Variants in IFT140 observed in about 807,000 individuals in gnomAD.
The protein encoded by IFT140 is intraflagellar transport protein 140 homolog.
IFT140 carries 133 observed loss-of-function variants against 164.6 expected under a neutral mutation model. The ratio of observed to expected loss-of-function variants is 0.81; its 90% confidence interval spans 0.70 to 0.93. IFT140 has a LOEUF of 0.93. Among genes scored for constraint, IFT140 ranks in the 40% least tolerant of loss-of-function variants. IFT140 has a pLI of 0.00. For missense variants in IFT140, 2,045 were observed against 1,972.3 expected (o/e 1.04, Z -0.70); for synonymous variants, 860 against 817.3 (o/e 1.05, Z -0.89).
chr16:1,592,950 G>A (rs1162261841), intron 4 of IFT140, among the ~76,000 whole-genome samples: 2 of 150,862 alleles, frequency 1.3e-5, no homozygotes, highest in Non-Finnish European at 3.0e-5. Flanking sequence ...CAGAGTGACT[G>A]GTGGTGGGAC....
intron 14 of IFT140, among the ~76,000 whole-genome samples, chr16:1,569,858 G>A (rs1222769345): frequency 1.3e-5 from 2 of 150,964 alleles, no homozygotes; most frequent in African/African-American, 4.9e-5. Context: ...AATGTGCTGG[G>A]ACTTGCAGGA....
chr16:1,521,559 TG>T (rs556564910), intron 26 of IFT140, among the ~76,000 whole-genome samples: 1 of 151,984 alleles, frequency 6.6e-6, no homozygotes, highest in Non-Finnish European at 1.5e-5. Context: ...CGGCTAATTT[TG>T]TAATTTTTTT....
At chr16:1,515,844 C>A (rs115318002) in intron 30 of IFT140, among the ~76,000 whole-genome samples, 1 of 152,060 alleles carries the variant, frequency 6.6e-6, no homozygotes, top group Admixed American at 6.6e-5. Flanking sequence ...AGGAGTGATA[C>A]CACATGCAAA....
Position 1,524,914 on chromosome 16 carries a change from G to A in IFT140, c.2867C>T (p.Thr956Ile). The change falls in exon 23 of 31, where the codon ACC becomes ATC. Residue 956 changes from threonine to isoleucine, a missense_variant and splice_region_variant. By Grantham distance (89) the Thr-to-Ile change is moderately conservative (BLOSUM62 -1). Transcript: ENST00000426508. Reference sequence around the variant, plus strand: ...GTACTGCGCCCACCACCGCCACAGGGTCCTGCGGGCAGCCCAAGACCATGG... The same window carrying A: ...GTACTGCGCCCACCACCGCCACAGGATCCTGCGGGCAGCCCAAGACCATGG... ...ELYVNKMKDK[T>I]LWRWWAQYLE... 6.2e-7 allele frequency: 1 copy of A among 1,605,348 alleles called. No individual in the cohort carries two copies. Among genetic ancestry groups the A allele is most frequent in the Non-Finnish European group, 8.5e-7 (1 of 1,176,790 alleles).
chr16:1,547,138 C>A (rs2032243410), intron 19 of IFT140, among the ~76,000 whole-genome samples: 1 of 152,230 alleles, frequency 6.6e-6, no homozygotes, highest in Admixed American at 6.5e-5. Flanking sequence ...TTCCCACTCC[C>A]CATTACCTTG....
chr16:1,602,817 G>A (rs1007522329), intron 3 of IFT140, among the ~76,000 whole-genome samples: 13 of 152,098 alleles, frequency 8.5e-5, no homozygotes, highest in African/African-American at 2.9e-4. Context: ...GCGGGCGTCT[G>A]TAGTCCCAGC....
intron 22 of IFT140, 134 bp from the exon 23 acceptor site, chr16:1,525,050 C>T: frequency 7.4e-7 from 1 of 1,360,514 alleles, no homozygotes; most frequent in East Asian, 2.4e-5. Context: ...AGAGTGAGGA[C>T]CCCTGGCTTT....
chr16:1,587,401 GA>G, intron 8 of IFT140, 97 bp from the exon 9 acceptor site: 1 of 750,212 alleles, frequency 1.3e-6, no homozygotes, highest in Non-Finnish European at 2.3e-6. Context: ...TAAAAGTCAG[GA>G]AAAAGACATA....
Position 1,566,174 on chromosome 16 carries a change from G to C in IFT140, c.1888C>G (p.Gln630Glu). 2 of 1,613,480 alleles carry C rather than the reference G, an allele frequency of 1.2e-6. No homozygotes were observed. Among genetic ancestry groups the C allele is most frequent in the Non-Finnish European group, 1.7e-6 (2 of 1,179,556 alleles). Residue 630 changes from glutamine (Q) to glutamate (E), a missense_variant, in exon 16 of 31, where the codon CAA (glutamine) becomes GAA (glutamate). By Grantham distance (29) the Gln-to-Glu change is conservative. Transcript: ENST00000426508. ...CCACAATCTTACTTATTAGTCTCTT[G>C]CTCATTAAAGGACAGCGTCTCTCTC... ...DRRETLSFNE[Q>E]ETNKSHLFVD...
At chr16:1,611,898 C>G (rs1420537391) in intron 1 of IFT140, 70 bp downstream of exon 1, 1 of 152,228 alleles carries the variant, frequency 6.6e-6, no homozygotes, top group Non-Finnish European at 1.5e-5. Context: ...TGACCAAGTG[C>G]CCAGCGCCGC....
At chr16:1,556,916 T>C (rs2033124656) in intron 19 of IFT140, among the ~76,000 whole-genome samples, 1 of 152,110 alleles carries the variant, frequency 6.6e-6, no homozygotes, top group South Asian at 2.1e-4. Flanking sequence ...TTCAAGCAAT[T>C]CTCCCACCTC....
chr16:1,603,463 G>A (rs927241279), intron 3 of IFT140, among the ~76,000 whole-genome samples: 1 of 152,030 alleles, frequency 6.6e-6, no homozygotes, highest in Non-Finnish European at 1.5e-5. Flanking sequence ...ATGACAGCTT[G>A]TGAGATATGT....
intron 19 of IFT140, among the ~76,000 whole-genome samples, chr16:1,528,042 G>A (rs1452650302): frequency 2.0e-5 from 3 of 152,216 alleles, no homozygotes; most frequent in African/African-American, 7.2e-5. Flanking sequence ...GCATGTGTGT[G>A]GGGGCACTCA....
chr16:1,569,048 A>G (rs1035947476), intron 14 of IFT140, among the ~76,000 whole-genome samples: 3 of 130,364 alleles, frequency 2.3e-5, no homozygotes, highest in East Asian at 2.3e-4. Context: ...CCTGTTGCCC[A>G]GGCTGGAGTG....
In IFT140 at chr16:1,551,919, T is replaced by C. The variant is rs561736146; in HGVS notation, c.2399+6016A>G. On this transcript the variant is annotated intron_variant, in intron 19 of 30. Coordinates refer to ENST00000426508, the MANE Select transcript of IFT140 (RefSeq NM_014714.4). This position sits in a 1 kb window ranked among gnomAD's most constrained non-coding sequence, Gnocchi z 4.0. The stretch of plus-strand genomic sequence containing the variant: ...CTCAGAAGCCTCCCGGGTGTGTCCC[T>C]GGTGATGTCCCCGGGGCCTCTCCCT... Among the ~76,000 whole-genome samples the C allele has an allele frequency of 6.6e-6, 1 of 152,268 alleles. No individual in the cohort carries two copies. The highest frequency in any genetic ancestry group is 2.1e-4 in the South Asian group (1 of 4,822).
chr16:1,606,975 CACATACACGCACACACAGATGCATGTAT>C, intron 3 of IFT140, 117 bp downstream of exon 3: 1 of 789,706 alleles, frequency 1.3e-6, no homozygotes, highest in Non-Finnish European at 2.1e-6. Context: ...CACACCAATA[CACATACACGCACACACAGATGCATGTAT>C]ACACACACAC....
intron 13 of IFT140, among the ~76,000 whole-genome samples, chr16:1,575,702 G>A (rs2034239459): frequency 6.6e-6 from 1 of 151,858 alleles, no homozygotes; most frequent in Admixed American, 6.6e-5. Flanking sequence ...CTCCCAGCAG[G>A]CCATTCACCC....
At chr16:1,530,110 C>G (rs1159033270) in intron 19 of IFT140, among the ~76,000 whole-genome samples, 7 of 150,160 alleles carry the variant, frequency 4.7e-5, no homozygotes, top group Non-Finnish European at 7.4e-5. Context: ...CTCTCCTGTC[C>G]CAAAAGACTT....
chr16:1,582,379 C>T (rs1274076244), intron 12 of IFT140, among the ~76,000 whole-genome samples: 1 of 152,198 alleles, frequency 6.6e-6, no homozygotes, highest in Non-Finnish European at 1.5e-5. Context: ...AGACTGCTGG[C>T]AGCCACCAGA....
Sources: gnomAD v4.1 joint callset for allele counts (sites outside exome capture counted in the v4.1 genomes callset) on GRCh38, gnomAD v4.1.1 for gene constraint, Gnocchi (gnomAD v3.1) non-coding constraint, MANE v1.5 for transcripts, NCBI Gene and HGNC (gene_info 2026-07-23, HGNC 2026-07-21) for gene names.